Variants in ESRRG observed in about 807,000 individuals in gnomAD.
ESRRG encodes the protein estrogen-related receptor gamma.
ESRRG carries 13 observed loss-of-function variants against 44.0 expected under a neutral mutation model. The observed-to-expected ratio is 0.30, with a 90% confidence interval of 0.19 to 0.47. The LOEUF (loss-of-function observed/expected upper bound fraction) is 0.47. Among genes scored for constraint, ESRRG ranks in the 20% least tolerant of loss-of-function variants. The pLI is 1.00. For synonymous variants in ESRRG, 215 were observed against 214.6 expected, an observed-to-expected ratio of 1.00 and a Z score of -0.02; for missense variants, 395 against 580.6, an observed-to-expected ratio of 0.68 and a Z score of 3.29.
intron 2 of ESRRG, among the ~76,000 whole-genome samples, chr1:216,835,479 A>C (rs1192914090): frequency 6.6e-6 from 1 of 152,224 alleles, no homozygotes; most frequent in Non-Finnish European, 1.5e-5. Context: ...AGCCTGTTAC[A>C]GGCGCACACT....
chr1:216,712,874 T>G (rs1231614144), intron 1 of ESRRG, among the ~76,000 whole-genome samples: 1 of 152,212 alleles, frequency 6.6e-6, no homozygotes, highest in Non-Finnish European at 1.5e-5. Flanking sequence ...CTGATGACCT[T>G]TCTTCCACAG....
At chr1:216,754,626 A>ATATT (rs984947667) in intron 2 of ESRRG, among the ~76,000 whole-genome samples, 2 of 151,566 alleles carry the variant, frequency 1.3e-5, no homozygotes, top group Non-Finnish European at 2.9e-5. Context: ...CTCTATTTAT[A>ATATT]TATTTATTTC....
chr1:216,810,393 G>A (rs1245447546), intron 2 of ESRRG, among the ~76,000 whole-genome samples: 1 of 151,892 alleles, frequency 6.6e-6, no homozygotes, highest in African/African-American at 2.4e-5. Flanking sequence ...TGTATGTTAA[G>A]TCTCAAAGAA....
chr1:216,658,208 A>G (rs2071137993), intron 2 of ESRRG, among the ~76,000 whole-genome samples: 1 of 152,110 alleles, frequency 6.6e-6, no homozygotes, highest in Non-Finnish European at 1.5e-5. Context: ...ATAAGATTCT[A>G]TTCCTCCACT....
intron 2 of ESRRG, among the ~76,000 whole-genome samples, chr1:216,854,137 T>C (rs2095881497): frequency 6.6e-6 from 1 of 151,512 alleles, no homozygotes; most frequent in Admixed American, 6.6e-5. Flanking sequence ...AGCGGGTGGA[T>C]CATGAGGTCA....
intron 1 of ESRRG, among the ~76,000 whole-genome samples, chr1:216,991,236 C>A (rs2075647934): frequency 6.6e-6 from 1 of 152,082 alleles, no homozygotes; most frequent in Admixed American, 6.6e-5. Context: ...AAACCTGTTT[C>A]CGGCGCCAAA....
intron 3 of ESRRG, among the ~76,000 whole-genome samples, chr1:216,638,712 T>C (rs977909189): frequency 6.6e-5 from 10 of 152,214 alleles, no homozygotes; most frequent in Middle Eastern, 3.2e-3. Flanking sequence ...CTTTTGTCCA[T>C]GTTCACAAAG....
intron 2 of ESRRG, among the ~76,000 whole-genome samples, chr1:216,893,620 C>G (rs1298330128): frequency 6.6e-6 from 1 of 152,030 alleles, no homozygotes; most frequent in African/African-American, 2.4e-5. Flanking sequence ...GACATATTTC[C>G]TTCCTTCAAG....
intron 2 of ESRRG, among the ~76,000 whole-genome samples, chr1:216,796,503 T>C (rs1442417992): frequency 1.3e-5 from 2 of 152,174 alleles, no homozygotes; most frequent in African/African-American, 2.4e-5. Context: ...ATTGCTATTG[T>C]AGTGCCTCAC....
rs11445965 is a variant in ESRRG, at chr1:216,730,305, T to TAAA, written c.-13-52817_-13-52815dup. ...TACTTTCTCCAAAAGCTTAGAAAGGTAAAAAAAAAAAAAAAAAGAAAGAAA... is the reference window on the plus strand; with the variant it reads ...TACTTTCTCCAAAAGCTTAGAAAGGTAAAAAAAAAAAAAAAAAAAAGAAAGAAA... On this transcript the variant is annotated intron_variant, in intron 2 of 7. Coordinates refer to the ESRRG transcript ENST00000359162. 6.4e-3 allele frequency among the ~76,000 whole-genome samples: 773 copies of TAAA among 121,390 alleles called. 6 individuals are homozygous for TAAA. The highest frequency in any genetic ancestry group is 0.013 in the East Asian group (56 of 4,162). 79.6% of individuals were successfully genotyped at this position (121,390 alleles called of 152,430 possible). A position where few individuals can be genotyped will look rare whatever the true frequency, so the allele number is the denominator to read the frequency against.
intron 1 of ESRRG, among the ~76,000 whole-genome samples, chr1:216,985,292 A>C (rs2074677167): frequency 6.6e-6 from 1 of 152,222 alleles, no homozygotes; most frequent in African/African-American, 2.4e-5. Context: ...GGAATTCTTT[A>C]GCCAGAAGAT....
At chr1:216,944,596 G>T (rs976616568) in intron 1 of ESRRG, among the ~76,000 whole-genome samples, 3 of 152,116 alleles carry the variant, frequency 2.0e-5, no homozygotes, top group Non-Finnish European at 4.4e-5. Flanking sequence ...CTATGTTGAT[G>T]AAGATCTTGG....
chr1:216,925,520 A>G (rs1394845567), intron 2 of ESRRG, among the ~76,000 whole-genome samples: 1 of 152,120 alleles, frequency 6.6e-6, no homozygotes, highest in Non-Finnish European at 1.5e-5. Context: ...TTTCAATTTT[A>G]TATCTTCTAA....
chr1:216,991,993 G>C (rs1309748857), intron 1 of ESRRG, among the ~76,000 whole-genome samples: 1 of 152,180 alleles, frequency 6.6e-6, no homozygotes, highest in Non-Finnish European at 1.5e-5. Flanking sequence ...ACCTTTACCA[G>C]ACAGTGTGTG....
rs3072231 is a variant in ESRRG, at chr1:216,837,410, C to CAAAA, written c.-14+102168_-14+102171dup. Among the ~76,000 whole-genome samples the CAAAA allele has an allele frequency of 1.8e-4, 27 of 148,322 alleles. 1 individual carries two copies. The highest frequency in any genetic ancestry group is 5.3e-4 in the African/African-American group (21 of 39,806). ...TGGGCAACACAGCAAGACTCCGTATCAAAAAAAAAATACAACTTTTTCCAT... is the reference window on the plus strand; with the variant it reads ...TGGGCAACACAGCAAGACTCCGTATCAAAAAAAAAAAAAATACAACTTTTTCCAT... On this transcript the variant is annotated intron_variant, in intron 2 of 7. Transcript: ENST00000359162.
At chr1:217,123,914 A>T (rs1228452774) in intron 1 of ESRRG, among the ~76,000 whole-genome samples, 2 of 145,772 alleles carry the variant, frequency 1.4e-5, no homozygotes. Flanking sequence ...AGCTTAAAAA[A>T]GTAAAGTAAT....
intron 2 of ESRRG, among the ~76,000 whole-genome samples, chr1:216,895,051 G>A (rs1262432549): frequency 3.3e-5 from 5 of 152,178 alleles, no homozygotes; most frequent in South Asian, 4.2e-4. Flanking sequence ...GCTGGGGGGC[G>A]GATAAACCCT....
chr1:216,725,588 C>T (rs987468717), upstream of ESRRG, among the ~76,000 whole-genome samples: 8 of 152,112 alleles, frequency 5.3e-5, no homozygotes, highest in African/African-American at 1.9e-4. Context: ...ATTACAAAGA[C>T]AGAAAAACAT....
intron 2 of ESRRG, among the ~76,000 whole-genome samples, chr1:216,846,035 C>T (rs2095740845): frequency 6.6e-6 from 1 of 152,038 alleles, no homozygotes; most frequent in African/African-American, 2.4e-5. Context: ...CATTCCTGAT[C>T]GTAAAAATAA....
Sources: allele counts gnomAD v4.1 joint callset (sites outside exome capture counted in the v4.1 genomes callset), GRCh38; gene constraint gnomAD v4.1.1; transcripts MANE v1.5; gene names NCBI Gene and HGNC (gene_info 2026-07-23, HGNC 2026-07-21).